The following ZIM2 variants were observed in gnomAD, a reference collection of about 807,000 sequenced individuals.
The protein encoded by ZIM2 is zinc finger imprinted 2, also known as zinc finger protein 656.
ZIM2 carries 14 observed loss-of-function variants against 38.6 expected under a neutral mutation model. The observed-to-expected ratio is 0.36, with a 90% CI of 0.24 to 0.57. The LOEUF is 0.57. Ranked by LOEUF, ZIM2 falls within the 20% of genes least tolerant of loss-of-function variation. The pLI is 0.81. For missense variants in ZIM2, 680 were observed against 695.1 expected (o/e 0.98, Z 0.24); for synonymous variants, 247 against 245.8 (o/e 1.00, Z -0.04).
rs187295971 is a variant in ZIM2, at chr19:56,812,693, T to C, written c.490+5053A>G. 7.3e-5 allele frequency: 72 copies of C among 985,266 alleles called. No homozygotes were observed. The East Asian group carries it at 4.7e-3, about 64-fold the overall frequency. 61.0% of individuals were successfully genotyped at this position (985,266 alleles called of 1,614,324 possible). ...GAGCCTCTCCTACGGTTCTCAACCT[T>C]CATTAGGCACTACTGTGATCTAGTG... On this transcript the variant is annotated intron_variant, in intron 9 of 12. Coordinates refer to ENST00000629319, the MANE Select transcript of ZIM2 (RefSeq NM_001387356.1).
chr19:56,810,559 T>C, intron 9 of ZIM2: 1 of 941,884 alleles, frequency 1.1e-6, no homozygotes, highest in Non-Finnish European at 1.3e-6. Context: ...CAAAGTTTTG[T>C]ATGAGTATGT....
At chr19:56,819,874 TGAGTAAGCAAAGACAAA>T (rs1414288575) in intron 7 of ZIM2, among the ~76,000 whole-genome samples, 1 of 152,114 alleles carries the variant, frequency 6.6e-6, no homozygotes, top group Admixed American at 6.5e-5. Context: ...GAGGACTTGC[TGAGTAAGCAAAGACAAA>T]GAGGTACGGG....
chr19:56,782,280 T>G (rs2046366238), intron 10 of ZIM2, 159 bp from the exon 11 acceptor site: 1 of 977,226 alleles, frequency 1.0e-6, no homozygotes, highest in African/African-American at 1.6e-5. Context: ...GTGGGAACAT[T>G]ACTGAAACAG....
At chr19:56,820,827 G>GC (rs1310923554) in intron 7 of ZIM2, among the ~76,000 whole-genome samples, 2 of 152,170 alleles carry the variant, frequency 1.3e-5, no homozygotes, top group East Asian at 1.9e-4. Flanking sequence ...TCACTGCTGT[G>GC]CCCCCCAGGG....
At chr19:56,779,509 T>G in intron 11 of ZIM2, 37 bp from the exon 12 acceptor site, 1 of 1,600,050 alleles carries the variant, frequency 6.2e-7, no homozygotes, top group Non-Finnish European at 8.6e-7. Context: ...AGGGTTTCAG[T>G]AACTCCCAAC....
At chr19:56,790,741 A>G (rs1357495388) in intron 9 of ZIM2, among the ~76,000 whole-genome samples, 1 of 152,222 alleles carries the variant, frequency 6.6e-6, no homozygotes, top group Non-Finnish European at 1.5e-5. Flanking sequence ...AAGACATAGT[A>G]TATATAGGGT....
At chr19:56,776,100 CAAA>C (rs56776253) in intron 12 of ZIM2, among the ~76,000 whole-genome samples, 29 of 106,696 alleles carry the variant, frequency 2.7e-4, no homozygotes, top group Middle Eastern at 6.0e-3. Flanking sequence ...GACTCTGTCT[CAAA>C]AAAAAAAAAA....
At chr19:56,798,791 T>C (rs2047354431) in intron 9 of ZIM2, 1 of 151,954 alleles carries the variant, frequency 6.6e-6, no homozygotes, top group African/African-American at 2.4e-5. Flanking sequence ...CATTAAAAAA[T>C]GGGCAAAGGA....
chr19:56,780,916 A>T (rs1270829801), intron 11 of ZIM2, among the ~76,000 whole-genome samples: 1 of 152,222 alleles, frequency 6.6e-6, no homozygotes, highest in African/African-American at 2.4e-5. Flanking sequence ...TTCCACACTT[A>T]GGAAGACAAT....
chr19:56,826,325 G>A (rs2061028797), intron 3 of ZIM2, 63 bp downstream of exon 3: 1 of 152,174 alleles, frequency 6.6e-6, no homozygotes, highest in Non-Finnish European at 1.5e-5. Context: ...AGAACACTCT[G>A]GTACCTGAAA....
At chr19:56,796,317 C>A (rs371533966) in intron 9 of ZIM2, among the ~76,000 whole-genome samples, 2 of 152,200 alleles carry the variant, frequency 1.3e-5, no homozygotes, top group Admixed American at 6.5e-5. Flanking sequence ...ATCATTCTTG[C>A]GGATTTGACA....
intron 9 of ZIM2, chr19:56,815,912 G>A: frequency 6.2e-7 from 1 of 1,611,340 alleles, no homozygotes; most frequent in Non-Finnish European, 8.5e-7. Flanking sequence ...TGACTTCTTG[G>A]AGGTTTGGAA....
intron 9 of ZIM2, chr19:56,813,519 G>A (rs1304163707): frequency 2.1e-6 from 3 of 1,435,286 alleles, no homozygotes; most frequent in Non-Finnish European, 2.7e-6. Flanking sequence ...TGCACATTCG[G>A]TCTCTTTTCA....
At chr19:56,808,971 C>T (rs377692482) in intron 9 of ZIM2, among the ~76,000 whole-genome samples, 1 of 152,168 alleles carries the variant, frequency 6.6e-6, no homozygotes, top group Non-Finnish European at 1.5e-5. Context: ...AATCAACTGA[C>T]ACCAGGGAGA....
chr19:56,818,814 CA>C, intron 7 of ZIM2, 112 bp from the exon 8 acceptor site: 1 of 1,250,306 alleles, frequency 8.0e-7, no homozygotes, highest in East Asian at 2.3e-5. Context: ...AGGAAGTGCT[CA>C]CGGTATTGGG....
chr19:56,785,571 G>C lies in ZIM2; in HGVS notation c.571-3450C>G, dbSNP rs576188070. 2.6e-5 allele frequency among the ~76,000 whole-genome samples: 4 copies of C among 152,276 alleles called. No homozygotes were observed. The South Asian group carries it at 8.3e-4, about 32-fold the overall frequency. On this transcript the variant is annotated intron_variant, in intron 10 of 12. Transcript: ENST00000629319. ...TCAGAAAACCTCATAACAGTATCAT[G>C]TCCCTATAAGAGCTGCCATTTGTTA...
chr19:56,810,356 GAAACA>G, intron 9 of ZIM2: 1 of 985,268 alleles, frequency 1.0e-6, no homozygotes, highest in Admixed American at 6.2e-5. Context: ...CAAGGAAACC[GAAACA>G]AAATAACCAT....
rs138254884 is a variant in ZIM2, at chr19:56,775,592, A to G, written c.836-63T>C. On this transcript the variant is annotated intron_variant, in intron 12 of 12. Coordinates refer to ENST00000629319, the MANE Select transcript of ZIM2 (RefSeq NM_001387356.1). ...TATCCAATCCTGCCCCCCAATAATG[A>G]TATTTCTATAGGCAGGCTTTGCCCT... 1.3e-3 allele frequency: 2,034 copies of G among 1,520,654 alleles called. 18 individuals carry two copies. The African/African-American group carries it at 0.023, about 17-fold the overall frequency. The allele number at this position is 1,520,654 out of a possible 1,614,324, so 94.2% of individuals were successfully genotyped here.
intron 5 of ZIM2, 62 bp from the exon 6 acceptor site, chr19:56,822,898 T>A: frequency 6.4e-7 from 1 of 1,569,458 alleles, no homozygotes; most frequent in Admixed American, 1.9e-5. Context: ...TTTCCCTGCA[T>A]GTGCACAAAC....
Sources: allele counts gnomAD v4.1 joint callset (sites outside exome capture counted in the v4.1 genomes callset), GRCh38; gene constraint gnomAD v4.1.1; transcripts MANE v1.5; gene names NCBI Gene and HGNC (gene_info 2026-07-23, HGNC 2026-07-21).